The following GOLT1B variants were observed in gnomAD, a reference collection of about 807,000 sequenced individuals.
The protein encoded by GOLT1B is golgi transport 1B.
A neutral mutation model predicts 15.4 loss-of-function variants in GOLT1B; 3 were observed. The observed-to-expected ratio is 0.19, with a 90% confidence interval of 0.09 to 0.50. The LOEUF (loss-of-function observed/expected upper bound fraction) is 0.50. Ranked by LOEUF, GOLT1B falls within the 20% of genes least tolerant of loss-of-function variation. GOLT1B has a pLI of 0.97. For missense variants in GOLT1B, 145 were observed against 160.4 expected (o/e 0.90, Z 0.52); for synonymous variants, 65 against 56.2 (o/e 1.16, Z -0.70).
chr12:21,509,396 C>CAAAAAAAAAAAAAAAAAAAAAAAA (rs71053318), intron 3 of GOLT1B, among the ~76,000 whole-genome samples: 1 of 74,040 alleles, frequency 1.4e-5, no homozygotes. Context: ...GACTCTGTCT[C>CAAAAAAAAAAAAAAAAAAAAAAAA]AAAAAAAAAA....
At chr12:21,507,896 T>G (rs1477955695) in intron 2 of GOLT1B, 1 of 448,242 alleles carries the variant, frequency 2.2e-6, no homozygotes, top group East Asian at 7.1e-5. Context: ...CTTCACGTTG[T>G]TTCTTCTGCT....
rs746984126 is a variant in GOLT1B, at chr12:21,515,705, TAAC to T, written c.*4_*6del. The T allele has an allele frequency of 4.7e-6, 6 of 1,282,808 alleles. No individual in the cohort carries two copies. The highest frequency in any genetic ancestry group is 1.3e-5 in the South Asian group (1 of 79,126). 79.5% of individuals were successfully genotyped at this position (1,282,808 alleles called of 1,614,324 possible). ...AGTTGGAGAAAGCAACAATATGGTA[TAAC>T]AACAAGTGAATTTGAAGACTCATTT... On this transcript the variant is annotated stop_retained_variant and 3_prime_UTR_variant, in exon 5 of 5. Transcript: ENST00000229314.
Position 21,516,332 on chromosome 12 carries a change from G to C in GOLT1B, c.*625G>C, listed in dbSNP as rs769273276. 4 of 152,062 alleles carry C rather than the reference G, an allele frequency of 2.6e-5. No homozygotes were observed. The highest frequency in any genetic ancestry group is 5.9e-5 in the Non-Finnish European group (4 of 67,964). The allele number at this position is 152,062 out of a possible 1,614,324, so 9.4% of individuals were successfully genotyped here. A position where few individuals can be genotyped will look rare whatever the true frequency, so the allele number is the denominator to read the frequency against. Reference sequence around the variant, plus strand: ...ATATTCTTTGTTGGAATATGCAAAGGTCATTCTTTACTAACTTTTAGTTAC... The same window carrying C: ...ATATTCTTTGTTGGAATATGCAAAGCTCATTCTTTACTAACTTTTAGTTAC... On this transcript the variant is annotated 3_prime_UTR_variant, in exon 5 of 5. Coordinates refer to ENST00000229314, the MANE Select transcript of GOLT1B (RefSeq NM_016072.5).
chr12:21,515,341 ATTTT>A, intron 4 of GOLT1B: 1 of 733,046 alleles, frequency 1.4e-6, no homozygotes. Flanking sequence ...TTATGTTTTT[ATTTT>A]TTATTTTTTG....
chr12:21,511,820 A>AT (rs1304672877), intron 3 of GOLT1B, among the ~76,000 whole-genome samples: 1 of 152,228 alleles, frequency 6.6e-6, no homozygotes, highest in Admixed American at 6.5e-5. Context: ...TCTACTGTCA[A>AT]TTTTAAACTG....
chr12:21,513,736 T>G (rs1943736643), intron 4 of GOLT1B, among the ~76,000 whole-genome samples: 1 of 152,124 alleles, frequency 6.6e-6, no homozygotes, highest in Non-Finnish European at 1.5e-5. Flanking sequence ...ATCAAGGCTG[T>G]GTTAAGCGAT....
intron 2 of GOLT1B, chr12:21,507,244 A>C: frequency 2.8e-6 from 1 of 352,304 alleles, no homozygotes; most frequent in Non-Finnish European, 5.3e-6. Flanking sequence ...CTGCCTCTAA[A>C]TAGGAGTTCA....
At chr12:21,512,112 A>G (rs1314365181) in intron 3 of GOLT1B, among the ~76,000 whole-genome samples, 183 bp from the exon 4 acceptor site, 2 of 152,226 alleles carry the variant, frequency 1.3e-5, no homozygotes, top group African/African-American at 4.8e-5. Context: ...GCTAGGCCTC[A>G]TGTACTTGTC....
chr12:21,504,260 A>G (rs1943662337), intron 1 of GOLT1B, among the ~76,000 whole-genome samples: 1 of 152,164 alleles, frequency 6.6e-6, no homozygotes, highest in South Asian at 2.1e-4. Context: ...TTTACTGGAT[A>G]TGATTCCGAT....
At chr12:21,510,285 A>G (rs1175991069) in intron 3 of GOLT1B, among the ~76,000 whole-genome samples, 4 of 152,184 alleles carry the variant, frequency 2.6e-5, no homozygotes, top group Non-Finnish European at 4.4e-5. Flanking sequence ...GCTAAGAGAG[A>G]AAAGAGTGAA....
At chr12:21,507,074 A>G (rs760201837) in intron 2 of GOLT1B, 98 bp downstream of exon 2, 3 of 681,034 alleles carry the variant, frequency 4.4e-6, no homozygotes, top group Admixed American at 2.1e-5. Context: ...ATAATTCACT[A>G]TTACTCATAA....
chr12:21,506,856 T>C (rs1333064282), intron 1 of GOLT1B, 29 bp from the exon 2 acceptor site: 8 of 922,646 alleles, frequency 8.7e-6, no homozygotes, highest in Non-Finnish European at 1.4e-5. Context: ...AATTTTTCTC[T>C]ACCCTTAACC....
intron 4 of GOLT1B, among the ~76,000 whole-genome samples, chr12:21,513,466 C>T (rs952491795): frequency 6.6e-6 from 1 of 152,088 alleles, no homozygotes; most frequent in African/African-American, 2.4e-5. Context: ...CATTCCTGTG[C>T]ACAACTCTAT....
At chr12:21,511,929 A>T (rs780010513) in intron 3 of GOLT1B, among the ~76,000 whole-genome samples, 54 of 152,336 alleles carry the variant, frequency 3.5e-4, no homozygotes, top group Non-Finnish European at 5.6e-4. Flanking sequence ...CTTAGTGTTA[A>T]CTAAATGTTT....
At chr12:21,515,259 TC>T in intron 4 of GOLT1B, 1 of 1,428,222 alleles carries the variant, frequency 7.0e-7, no homozygotes, top group Non-Finnish European at 9.5e-7. Flanking sequence ...CCAGAAGAGA[TC>T]CACAGTAATG....
intron 1 of GOLT1B, among the ~76,000 whole-genome samples, chr12:21,504,411 G>A (rs1943663446): frequency 6.6e-6 from 1 of 152,132 alleles, no homozygotes. Context: ...TGGATCAGGA[G>A]CTACTTGGCA....
At chr12:21,510,222 A>G (rs1943709622) in intron 3 of GOLT1B, among the ~76,000 whole-genome samples, 1 of 152,228 alleles carries the variant, frequency 6.6e-6, no homozygotes, top group African/African-American at 2.4e-5. Context: ...AGAAAACACT[A>G]GAAGAGACTA....
At chr12:21,502,499 C>T (rs1165343607) in intron 1 of GOLT1B, among the ~76,000 whole-genome samples, 1 of 152,194 alleles carries the variant, frequency 6.6e-6, no homozygotes, top group Non-Finnish European at 1.5e-5. Context: ...TTTTAGAAGT[C>T]TCTTGAAACA....
rs1943767883 is a variant in GOLT1B, at chr12:21,517,908, G to C, written c.*2201G>C. 6.6e-6 allele frequency: 1 copy of C among 152,482 alleles called. No individual in the cohort carries two copies. The highest frequency in any genetic ancestry group is 6.5e-5 in the Admixed American group (1 of 15,276). 9.4% of individuals were successfully genotyped at this position (152,482 alleles called of 1,614,324 possible). A position where few individuals can be genotyped will look rare whatever the true frequency, so the allele number is the denominator to read the frequency against. ...TCTTTCCAAAATCAGCCTTCTGTCT[G>C]TAACAAAAATGTACTTTATAGAGAT... On this transcript the variant is annotated 3_prime_UTR_variant, in exon 5 of 5. Coordinates refer to ENST00000229314, the MANE Select transcript of GOLT1B (RefSeq NM_016072.5).
Sources: allele counts gnomAD v4.1 joint callset (sites outside exome capture counted in the v4.1 genomes callset), GRCh38; gene constraint gnomAD v4.1.1; transcripts MANE v1.5; gene names NCBI Gene and HGNC (gene_info 2026-07-23, HGNC 2026-07-21).